MAP3K15: variants seen among roughly 807,000 people sequenced by gnomAD.
MAP3K15 encodes MAPK/ERK kinase kinase 15.
MAP3K15 carries 124 observed loss-of-function variants against 99.5 expected under a neutral mutation model. That is an observed-to-expected ratio of 1.25 (90% CI 1.08 to 1.45). The LOEUF (loss-of-function observed/expected upper bound fraction) is 1.45, where lower values mean the gene tolerates loss of function less well. MAP3K15 is among the 40% of genes most tolerant of loss of function. The probability of loss-of-function intolerance (pLI) is 0.00; values close to 1 mark genes in which losing one functional copy is unlikely to be tolerated. For missense variants in MAP3K15, 1,242 were observed against 1,079.7 expected (o/e 1.15, Z -2.11); for synonymous variants, 494 against 439.6 (o/e 1.12, Z -1.55).
At chrX:19,486,261 G>GGCCTT (rs1274791968) in intron 3 of MAP3K15, among the ~76,000 whole-genome samples, 14 of 111,785 alleles carry the variant, frequency 1.3e-4, no homozygotes, top group African/African-American at 4.5e-4. Flanking sequence ...TTTCTTGCCT[G>GGCCTT]GCCTTGCCTT....
rs756780481 is a variant in MAP3K15 at position 19,373,666 on chromosome X, G to A, written c.2803C>T (p.Pro935Ser). The A allele has an allele frequency of 1.8e-5, 21 of 1,199,269 alleles. No homozygotes were observed. The highest frequency in any genetic ancestry group is 2.2e-5 in the Admixed American group (1 of 45,332). ...EGPRGVVLAL[P>S]TQGEPMATSS... ...GTGGCCATGGGCTCTCCCTGTGTGGGCAGGGCCAGGACGACACCGCGGGGA... is the reference window on the plus strand; with the variant it reads ...GTGGCCATGGGCTCTCCCTGTGTGGACAGGGCCAGGACGACACCGCGGGGA... Residue 935 changes from proline (P) to serine (S), a missense_variant, in exon 21 of 29, where the codon CCC becomes TCC. Pro to Ser is a moderately conservative substitution (Grantham distance 74). Coordinates refer to ENST00000338883, the MANE Select transcript of MAP3K15 (RefSeq NM_001001671.4).
chrX:19,389,049 C>T (rs1027894668), intron 18 of MAP3K15, among the ~76,000 whole-genome samples: 3 of 110,838 alleles, frequency 2.7e-5, no homozygotes, highest in African/African-American at 9.9e-5. Context: ...CAAAACCCCA[C>T]ATATTGTATT....
chrX:19,397,343 T>G (rs1308866806), intron 15 of MAP3K15, among the ~76,000 whole-genome samples: 1 of 112,446 alleles, frequency 8.9e-6, no homozygotes, highest in Non-Finnish European at 1.9e-5. Context: ...AAATCTGATT[T>G]TTTTTATCTG....
intron 9 of MAP3K15, among the ~76,000 whole-genome samples, chrX:19,418,910 A>C (rs760985901): frequency 9.8e-5 from 11 of 112,010 alleles, no homozygotes; most frequent in East Asian, 8.4e-4. Context: ...AAGAATTTTC[A>C]ACCCAGAATT....
In MAP3K15 at chrX:19,426,214, A is replaced by G. The variant is rs2063828740; in HGVS notation, c.1279+17T>C. The G allele has an allele frequency of 5.2e-6, 5 of 954,480 alleles. No homozygotes were observed. Among genetic ancestry groups the G allele is most frequent in the Non-Finnish European group, 7.1e-6 (5 of 707,998 alleles). The allele number at this position is 954,480 out of a possible 1,213,427, so 78.7% of individuals were successfully genotyped here. A position where few individuals can be genotyped will look rare whatever the true frequency, so the allele number is the denominator to read the frequency against. ...TATAATCAAAGCAACAACATCTGCA[A>G]TAATAAGCAGCTTTACCTATTTTCC... On this transcript the variant is annotated intron_variant, in intron 8 of 28. Coordinates refer to ENST00000338883, the MANE Select transcript of MAP3K15 (RefSeq NM_001001671.4).
intron 25 of MAP3K15, among the ~76,000 whole-genome samples, chrX:19,365,096 C>T (rs2063325181): frequency 9.4e-6 from 1 of 106,687 alleles, no homozygotes; most frequent in African/African-American, 3.4e-5. Flanking sequence ...CCCAGCTACT[C>T]GGGAGGGGAG....
At chrX:19,373,397 G>A (rs2063392344) in intron 21 of MAP3K15, 139 bp downstream of exon 21, 3 of 741,079 alleles carry the variant, frequency 4.0e-6, no homozygotes, top group Non-Finnish European at 5.8e-6. Flanking sequence ...GGATGGGGCG[G>A]CTCAGCTGCC....
intron 13 of MAP3K15, among the ~76,000 whole-genome samples, chrX:19,405,454 C>A (rs928937635): frequency 8.9e-6 from 1 of 111,836 alleles, no homozygotes; most frequent in Non-Finnish European, 1.9e-5. Context: ...AGTATTAAGT[C>A]AAAAAAGACA....
In MAP3K15 at chrX:19,486,505, C is replaced by G. The variant is rs1174875246; in HGVS notation, c.502G>C (p.Asp168His). ...ACTGTGTTTTTTTGAGTTACCATGT[C>G]CTGAAAAGAAAAAGAAAAGATGAAT... ...TDADTALSLKDMVTQKNTASS... is the reference protein window; with the variant it reads ...TDADTALSLKHMVTQKNTASS... Residue 168 changes from aspartate (D) to histidine (H), a missense_variant and splice_region_variant, in exon 3 of 29, where the codon GAC (aspartate) becomes CAC (histidine). Asp to His is a moderately conservative substitution (Grantham distance 81, BLOSUM62 -1). Transcript: ENST00000338883. 2.3e-6 allele frequency: 2 copies of G among 888,324 alleles called. No individual in the cohort carries two copies. The highest frequency in any genetic ancestry group is 2.1e-5 in the African/African-American group (1 of 48,491). The allele number at this position is 888,324 out of a possible 1,213,427, so 73.2% of individuals were successfully genotyped here.
At chrX:19,361,220 T>G in intron 28 of MAP3K15, 119 bp downstream of exon 28, 1 of 593,708 alleles carries the variant, frequency 1.7e-6, no homozygotes. Flanking sequence ...TTTTCCCAGC[T>G]TGAACCTAAT....
intron 25 of MAP3K15, among the ~76,000 whole-genome samples, chrX:19,363,137 C>T (rs1000272853): frequency 1.8e-5 from 2 of 111,985 alleles, no homozygotes; most frequent in Admixed American, 9.5e-5. Context: ...GTGCCCCTCA[C>T]CCGGCCCAAG....
At chrX:19,484,658 T>G (rs769492963) in intron 3 of MAP3K15, among the ~76,000 whole-genome samples, 8 of 111,640 alleles carry the variant, frequency 7.2e-5, no homozygotes, top group Non-Finnish European at 1.5e-4. Flanking sequence ...CATCCAACAG[T>G]GAGGAATGGA....
At chrX:19,363,656 GT>G (rs775799924) in intron 25 of MAP3K15, among the ~76,000 whole-genome samples, 53 of 93,819 alleles carry the variant, frequency 5.6e-4, no homozygotes, top group Middle Eastern at 5.4e-3. Context: ...TTTTGTTTTT[GT>G]TTTTTTTTTT....
At chrX:19,434,479 C>T (rs1602306510) in intron 6 of MAP3K15, among the ~76,000 whole-genome samples, 1 of 109,335 alleles carries the variant, frequency 9.1e-6, no homozygotes, top group Admixed American at 9.8e-5. Flanking sequence ...CTCAGGTGAT[C>T]CACCCGCCTC....
At chrX:19,419,558 A>G (rs1418990492) in intron 9 of MAP3K15, among the ~76,000 whole-genome samples, 1 of 111,142 alleles carries the variant, frequency 9.0e-6, no homozygotes, top group Non-Finnish European at 1.9e-5. Context: ...AGAGACCTAC[A>G]AAGAGACTTA....
rs2147191563 is a variant in MAP3K15, at chrX:19,360,157, T to G, written c.*592A>C. On this transcript the variant is annotated 3_prime_UTR_variant, in exon 29 of 29. Coordinates refer to ENST00000338883, the MANE Select transcript of MAP3K15 (RefSeq NM_001001671.4). ...TTTTGTAATCATTTCAAAGGCCACA[T>G]AACTTAGTTTTCTCTACTTACACAT... 6.6e-6 allele frequency: 1 copy of G among 152,210 alleles called. No homozygotes were observed. Among genetic ancestry groups the G allele is most frequent in the African/African-American group, 3.1e-5 (1 of 31,843 alleles). 12.5% of individuals were successfully genotyped at this position (152,210 alleles called of 1,213,427 possible).
intron 6 of MAP3K15, among the ~76,000 whole-genome samples, chrX:19,446,895 TTAGG>T (rs1040163585): frequency 2.7e-5 from 3 of 110,979 alleles, no homozygotes; most frequent in Non-Finnish European, 5.7e-5. Flanking sequence ...TAAAAATTAA[TTAGG>T]TAATTTATTT....
At chrX:19,472,005 G>A (rs986988424) in intron 3 of MAP3K15, among the ~76,000 whole-genome samples, 3 of 110,988 alleles carry the variant, frequency 2.7e-5, no homozygotes, top group South Asian at 3.8e-4. Flanking sequence ...GGTGGATCAC[G>A]AGGCCAGGAG....
chrX:19,416,268 T>C (rs138088849), intron 9 of MAP3K15, among the ~76,000 whole-genome samples: 3 of 110,394 alleles, frequency 2.7e-5, no homozygotes, highest in Non-Finnish European at 3.8e-5. Flanking sequence ...GAGACGGAGG[T>C]TGCAGTGAGC....
Sources: gnomAD v4.1 joint callset for allele counts (sites outside exome capture counted in the v4.1 genomes callset) on GRCh38, gnomAD v4.1.1 for gene constraint, MANE v1.5 for transcripts, NCBI Gene and HGNC (gene_info 2026-07-23, HGNC 2026-07-21) for gene names.